The following PTPRD variants were observed in gnomAD, a reference collection of about 807,000 sequenced individuals.
PTPRD encodes protein tyrosine phosphatase receptor type D.
A neutral mutation model predicts 214.5 loss-of-function variants in PTPRD; 34 were observed. The ratio of observed to expected loss-of-function variants is 0.16; its 90% CI spans 0.12 to 0.21. The LOEUF is 0.21. PTPRD is among the 10% of genes least tolerant of loss of function. PTPRD has a pLI of 1.00. For missense variants in PTPRD, 2,545 were observed against 2,398.7 expected, an observed-to-expected ratio of 1.06 and a Z score of -1.27; for synonymous variants, 1,128 against 845.7, an observed-to-expected ratio of 1.33 and a Z score of -5.79.
intron 5 of PTPRD, among the ~76,000 whole-genome samples, chr9:9,850,250 G>T (rs1201723505): frequency 6.6e-6 from 1 of 152,136 alleles, no homozygotes; most frequent in Non-Finnish European, 1.5e-5. Context: ...GTGGGTTTCA[G>T]ACGCATTCTA....
intron 10 of PTPRD, among the ~76,000 whole-genome samples, chr9:9,118,109 T>G (rs1239982406): frequency 2.0e-5 from 3 of 152,196 alleles, no homozygotes; most frequent in African/African-American, 7.2e-5. Context: ...CACCCACACT[T>G]GGGTTTTTGA....
chr9:8,625,365 C>G (rs552238424), intron 14 of PTPRD, among the ~76,000 whole-genome samples: 1 of 151,908 alleles, frequency 6.6e-6, no homozygotes, highest in South Asian at 2.1e-4. Flanking sequence ...CAGTAAATGA[C>G]AGATCTGCAG....
At chr9:10,269,229 C>T (rs534385870) in intron 3 of PTPRD, among the ~76,000 whole-genome samples, 1 of 152,260 alleles carries the variant, frequency 6.6e-6, no homozygotes, top group East Asian at 1.9e-4. Context: ...AAGTCTAATG[C>T]AATTTCTAAT....
intron 7 of PTPRD, among the ~76,000 whole-genome samples, chr9:9,692,526 A>G (rs149611998): frequency 6.6e-6 from 1 of 152,124 alleles, no homozygotes; most frequent in East Asian, 1.9e-4. Context: ...TTTGGTTGCT[A>G]TAACTCTGTA....
intron 11 of PTPRD, among the ~76,000 whole-genome samples, chr9:8,741,602 G>T (rs1455364435): frequency 9.4e-5 from 3 of 32,070 alleles, no homozygotes; most frequent in Non-Finnish European, 1.8e-4. Flanking sequence ...TTTTTTTTTT[G>T]AGATGAAGTC....
intron 11 of PTPRD, among the ~76,000 whole-genome samples, chr9:8,756,935 G>A (rs887109549): frequency 7.9e-5 from 12 of 152,166 alleles, no homozygotes; most frequent in African/African-American, 2.6e-4. Context: ...GAGGTTAGGA[G>A]TTCAAGACCA....
intron 10 of PTPRD, among the ~76,000 whole-genome samples, chr9:9,030,331 CA>C (rs1418222023): frequency 6.8e-5 from 6 of 88,722 alleles, no homozygotes; most frequent in Non-Finnish European, 1.2e-4. Flanking sequence ...ATTCTTTTCT[CA>C]TTCACTAGTA....
intron 11 of PTPRD, among the ~76,000 whole-genome samples, chr9:8,928,974 A>G (rs533996832): frequency 2.0e-5 from 3 of 152,140 alleles, no homozygotes; most frequent in African/African-American, 7.2e-5. Flanking sequence ...GAGTTCACTC[A>G]TGATTTGACT....
intron 12 of PTPRD, among the ~76,000 whole-genome samples, chr9:8,722,162 T>C (rs1320828819): frequency 7.3e-6 from 1 of 137,492 alleles, no homozygotes; most frequent in Non-Finnish European, 1.6e-5. Context: ...TGTGTGTGTG[T>C]GTGTACAGAG....
chr9:9,910,436 A>G (rs773767337), intron 5 of PTPRD, among the ~76,000 whole-genome samples: 1 of 152,006 alleles, frequency 6.6e-6, no homozygotes, highest in Non-Finnish European at 1.5e-5. Context: ...GATTTTCTAG[A>G]AGAAAATATA....
At chr9:8,931,981 T>C (rs2098956021) in intron 11 of PTPRD, among the ~76,000 whole-genome samples, 1 of 152,220 alleles carries the variant, frequency 6.6e-6, no homozygotes, top group Non-Finnish European at 1.5e-5. Context: ...TGATGGTAGT[T>C]TGTATTTCTT....
chr9:8,938,889 T>A (rs1404327650), intron 11 of PTPRD, among the ~76,000 whole-genome samples: 1 of 152,188 alleles, frequency 6.6e-6, no homozygotes, highest in Admixed American at 6.6e-5. Context: ...CTTCCCTTCA[T>A]TGCCATGTAA....
At chr9:10,191,940 G>A (rs1447765107) in intron 3 of PTPRD, among the ~76,000 whole-genome samples, 1 of 152,178 alleles carries the variant, frequency 6.6e-6, no homozygotes, top group Non-Finnish European at 1.5e-5. Flanking sequence ...ACTGAACGGT[G>A]TGTCTGCAAA....
At chr9:9,465,104 T>C (rs2094023777) in intron 8 of PTPRD, among the ~76,000 whole-genome samples, 1 of 152,248 alleles carries the variant, frequency 6.6e-6, no homozygotes, top group Non-Finnish European at 1.5e-5. Flanking sequence ...CTGGTTCTTG[T>C]ATTCCCTTTT....
chr9:9,360,204 G>C (rs1289615155), intron 9 of PTPRD, among the ~76,000 whole-genome samples: 1 of 150,478 alleles, frequency 6.6e-6, no homozygotes, highest in African/African-American at 2.4e-5. Flanking sequence ...TTGAGCATTG[G>C]ACAGCTGAAA....
intron 8 of PTPRD, among the ~76,000 whole-genome samples, chr9:9,508,115 G>A (rs2096612846): frequency 1.3e-5 from 2 of 151,556 alleles, no homozygotes; most frequent in South Asian, 4.1e-4. Context: ...TTACTGTTAT[G>A]TTTTGTTGGT....
rs1567098708 is a variant in PTPRD at position 8,934,458 on chromosome 9, TATATAA to T, written c.-104+84233_-104+84238del. 7.3e-3 allele frequency among the ~76,000 whole-genome samples: 120 copies of T among 16,462 alleles called. 5 individuals carry two copies. The East Asian group carries it at 0.088, about 12-fold the overall frequency. The allele number at this position is 16,462 out of a possible 152,430, so 10.8% of individuals were successfully genotyped here. A position where few individuals can be genotyped will look rare whatever the true frequency, so the allele number is the denominator to read the frequency against. On this transcript the variant is annotated intron_variant, in intron 11 of 45. Transcript: ENST00000381196. Reference sequence around the variant, plus strand: ...ATAAATATATATATAAATTTATATATATATAAATATATATATATAAATATATATATA... The same window carrying T: ...ATAAATATATATATAAATTTATATATATATATATATATAAATATATATATA...
rs565863526 is a variant in PTPRD, at chr9:9,981,550, C to T, written c.-471-42940G>A. Among the ~76,000 whole-genome samples the T allele has an allele frequency of 2.8e-3, 428 of 150,622 alleles. 1 individual carries two copies. Among genetic ancestry groups the T allele is most frequent in the African/African-American group, 9.4e-3 (386 of 40,994 alleles). ...TTTTTTGTATTTTTTTTACTAGAGA[C>T]GGAGTTCCACCGTGTTAGCCAGGAT... On this transcript the variant is annotated intron_variant, in intron 4 of 45. Coordinates refer to ENST00000381196, the MANE Select transcript of PTPRD (RefSeq NM_002839.4).
At chr9:9,758,936 T>A (rs1478804206) in intron 6 of PTPRD, among the ~76,000 whole-genome samples, 6 of 152,022 alleles carry the variant, frequency 3.9e-5, no homozygotes, top group African/African-American at 1.2e-4. Flanking sequence ...AGCTATAGAA[T>A]TGTCAAATGT....
Sources: allele counts gnomAD v4.1 joint callset (sites outside exome capture counted in the v4.1 genomes callset), GRCh38; gene constraint gnomAD v4.1.1; transcripts MANE v1.5; gene names NCBI Gene and HGNC (gene_info 2026-07-23, HGNC 2026-07-21).